Variants in CATSPERE observed in about 807,000 individuals in gnomAD.
CATSPERE encodes catsper channel auxiliary subunit epsilon, also known as cation channel sperm-associated auxiliary subunit epsilon.
In CATSPERE, 93 loss-of-function variants were observed where a neutral mutation model predicts 114.1. The observed-to-expected ratio is 0.81, with a 90% confidence interval of 0.69 to 0.97. The LOEUF (loss-of-function observed/expected upper bound fraction) is 0.97, where lower values mean the gene tolerates loss of function less well. CATSPERE is among the 50% of genes least tolerant of loss of function. CATSPERE has a pLI of 0.00. For synonymous variants in CATSPERE, 341 were observed against 384.1 expected, an observed-to-expected ratio of 0.89 and a Z score of 1.31; for missense variants, 1,058 against 1,131.6, an observed-to-expected ratio of 0.93 and a Z score of 0.93.
intron 10 of CATSPERE, among the ~76,000 whole-genome samples, chr1:244,571,939 CT>C (rs1314181060): frequency 6.6e-6 from 1 of 152,160 alleles, no homozygotes; most frequent in African/African-American, 2.4e-5. Context: ...AAGGCCCTGT[CT>C]CCAAATACAG....
intron 8 of CATSPERE, among the ~76,000 whole-genome samples, chr1:244,531,521 A>AAT (rs150562682): frequency 1.3e-5 from 2 of 149,680 alleles, no homozygotes; most frequent in African/African-American, 2.5e-5. Flanking sequence ...AGTTTTTAAA[A>AAT]TTTTTTTTTT....
chr1:244,469,420 C>T (rs1041879075), intron 2 of CATSPERE, among the ~76,000 whole-genome samples: 4 of 152,266 alleles, frequency 2.6e-5, no homozygotes, highest in African/African-American at 9.6e-5. Context: ...CACCCACTTT[C>T]TTCCCTTCTG....
chr1:244,529,355 A>G lies in CATSPERE; in HGVS notation c.536+10657A>G, dbSNP rs114588758. 7.2e-3 allele frequency among the ~76,000 whole-genome samples: 1,099 copies of G among 152,274 alleles called. 13 individuals are homozygous for G. The highest frequency in any genetic ancestry group is 0.025 in the African/African-American group (1,024 of 41,556). On this transcript the variant is annotated intron_variant, in intron 8 of 21. Coordinates refer to ENST00000366534, the MANE Select transcript of CATSPERE (RefSeq NM_001130957.2). ...ATTGCCTGTCTTTTGGATGAAATCC[A>G]TCTTAACTGGGGTGAGATGATATTT... is the stretch of plus-strand genomic sequence containing the variant.
intron 7 of CATSPERE, among the ~76,000 whole-genome samples, chr1:244,500,138 A>C (rs889322277): frequency 1.3e-5 from 2 of 152,152 alleles, no homozygotes; most frequent in African/African-American, 4.8e-5. Context: ...GGCTGCATAA[A>C]TGTCTTCTTT....
chr1:244,465,792 G>A (rs948073097), intron 2 of CATSPERE, among the ~76,000 whole-genome samples: 4 of 152,240 alleles, frequency 2.6e-5, no homozygotes, highest in African/African-American at 9.6e-5. Context: ...TTGCACTTGG[G>A]GAGAACTGAC....
chr1:244,451,778 G>C (rs775917873), upstream of CATSPERE: 5 of 1,598,994 alleles, frequency 3.1e-6, no homozygotes, highest in Non-Finnish European at 4.3e-6. The surrounding 1 kb of genome is among the most constrained non-coding windows in gnomAD (Gnocchi z 6.6). Context: ...TCGCCGTTGG[G>C]CAGGGAGGAT....
At chr1:244,550,164 C>A (rs1660387817) in intron 8 of CATSPERE, among the ~76,000 whole-genome samples, 1 of 152,132 alleles carries the variant, frequency 6.6e-6, no homozygotes, top group Non-Finnish European at 1.5e-5. Context: ...TGGAACTACA[C>A]CACTGGCTTT....
rs1218856291 is a variant in CATSPERE at position 244,490,923 on chromosome 1, G to C, written c.351+452G>C. 4.6e-5 allele frequency among the ~76,000 whole-genome samples: 7 copies of C among 151,896 alleles called. No homozygotes were observed. The East Asian group carries it at 9.7e-4, about 21-fold the overall frequency. Reference sequence around the variant, plus strand: ...CTTTAAATGTTCTCAATTTTAATTTGTTATATAGTAAATACAGGTGGATCT... The same window carrying C: ...CTTTAAATGTTCTCAATTTTAATTTCTTATATAGTAAATACAGGTGGATCT... On this transcript the variant is annotated intron_variant, in intron 6 of 21. Coordinates refer to ENST00000366534, the MANE Select transcript of CATSPERE (RefSeq NM_001130957.2).
At chr1:244,562,650 T>C (rs1312996482) in intron 10 of CATSPERE, among the ~76,000 whole-genome samples, 2 of 152,212 alleles carry the variant, frequency 1.3e-5, no homozygotes, top group African/African-American at 4.8e-5. Context: ...TATAATTAGA[T>C]GTTTTATCTA....
At chr1:244,544,868 T>G (rs545341766) in intron 8 of CATSPERE, among the ~76,000 whole-genome samples, 42 of 152,342 alleles carry the variant, frequency 2.8e-4, no homozygotes, top group Non-Finnish European at 4.9e-4. Flanking sequence ...CAGTTATTGA[T>G]CTGGCAAATG....
chr1:244,638,632 C>A (rs1225939797), intron 21 of CATSPERE, among the ~76,000 whole-genome samples: 1 of 152,232 alleles, frequency 6.6e-6, no homozygotes, highest in Non-Finnish European at 1.5e-5. Context: ...ACTAGTCAAA[C>A]TGGACATGTC....
Position 244,593,454 on chromosome 1 carries a change from A to G in CATSPERE, c.2223+26A>G, listed in dbSNP as rs760589820. On this transcript the variant is annotated intron_variant, in intron 16 of 21. Coordinates refer to ENST00000366534, the MANE Select transcript of CATSPERE (RefSeq NM_001130957.2). ...GTAAGAAAATGATAAAATTCTGTCA[A>G]TGGACCAAATATATAAAATCACTAA... is the stretch of plus-strand genomic sequence containing the variant. 9 of 1,613,610 alleles carry G rather than the reference A, an allele frequency of 5.6e-6. No homozygotes were observed. The African/African-American group carries it at 8.0e-5, about 14-fold the overall frequency.
chr1:244,566,652 CTTTTTTTT>C (rs59466928), intron 10 of CATSPERE, among the ~76,000 whole-genome samples: 7 of 49,114 alleles, frequency 1.4e-4, no homozygotes, highest in African/African-American at 3.1e-4. Flanking sequence ...GCAACCCCTG[CTTTTTTTT>C]TTTTTTTTTT....
intron 18 of CATSPERE, among the ~76,000 whole-genome samples, chr1:244,609,079 G>A (rs1051827645): frequency 2.0e-5 from 3 of 151,706 alleles, no homozygotes; most frequent in Admixed American, 6.6e-5. Context: ...CTAGCTACTC[G>A]GGAGGCTGAG....
At chr1:244,522,425 C>CTA (rs973957843) in intron 8 of CATSPERE, among the ~76,000 whole-genome samples, 70 of 152,184 alleles carry the variant, frequency 4.6e-4, no homozygotes, top group African/African-American at 1.6e-3. Context: ...ATTAAAAGAA[C>CTA]TAGAAAAGCA....
chr1:244,611,535 C>G (rs1297055397), intron 19 of CATSPERE, among the ~76,000 whole-genome samples: 1 of 151,862 alleles, frequency 6.6e-6, no homozygotes, highest in Non-Finnish European at 1.5e-5. Context: ...GCTGAGGTTG[C>G]AGTGAGCCAT....
intron 6 of CATSPERE, among the ~76,000 whole-genome samples, chr1:244,490,729 G>T (rs900952229): frequency 1.3e-5 from 2 of 151,854 alleles, no homozygotes; most frequent in African/African-American, 2.4e-5. Flanking sequence ...GGCTGAAGGA[G>T]CAGAGATGAT....
At chr1:244,461,780 A>G (rs942663178) in intron 1 of CATSPERE, among the ~76,000 whole-genome samples, 5 of 152,078 alleles carry the variant, frequency 3.3e-5, no homozygotes, top group African/African-American at 1.2e-4. Context: ...CTGAGCCCCA[A>G]TGAAATCTTA....
At chr1:244,631,318 C>T (rs1184533040) in intron 20 of CATSPERE, among the ~76,000 whole-genome samples, 1 of 152,042 alleles carries the variant, frequency 6.6e-6, no homozygotes, top group Non-Finnish European at 1.5e-5. Context: ...AAATCATAGA[C>T]CTAAATGTAA....
Sources: allele counts gnomAD v4.1 joint callset (sites outside exome capture counted in the v4.1 genomes callset), GRCh38; gene constraint gnomAD v4.1.1; non-coding constraint Gnocchi (gnomAD v3.1); transcripts MANE v1.5; gene names NCBI Gene and HGNC (gene_info 2026-07-23, HGNC 2026-07-21).